LYG2: variants seen among roughly 807,000 people sequenced by gnomAD.
LYG2 encodes the protein lysozyme g2, also known as lysozyme g-like protein 2.
In LYG2, 25 loss-of-function variants were observed where a neutral mutation model predicts 22.4. That is an observed-to-expected ratio of 1.12 (90% CI 0.81 to 1.56). The LOEUF is 1.56. Ranked by LOEUF, LYG2 falls within the 40% of genes most tolerant of loss-of-function variation. The pLI is 0.00. For missense variants in LYG2, 266 were observed against 269.5 expected (o/e 0.99, Z 0.09); for synonymous variants, 88 against 97.0 (o/e 0.91, Z 0.55).
upstream of LYG2, among the ~76,000 whole-genome samples, chr2:99,256,287 C>T (rs1265428754): frequency 6.6e-6 from 1 of 152,210 alleles, no homozygotes; most frequent in Non-Finnish European, 1.5e-5. Flanking sequence ...TCTAGCCTTC[C>T]ATCCCTGGAA....
upstream of LYG2, among the ~76,000 whole-genome samples, chr2:99,257,707 TAAGACTCTTCAGTGCAGC>T (rs2094038810): frequency 6.6e-6 from 1 of 152,168 alleles, no homozygotes; most frequent in African/African-American, 2.4e-5. Context: ...TGCCTGCTCC[TAAGACTCTTCAGTGCAGC>T]AATTCTCTGG....
intron 2 of LYG2, among the ~76,000 whole-genome samples, 195 bp downstream of exon 2, chr2:99,254,825 A>G (rs1032747480): frequency 1.3e-5 from 2 of 152,154 alleles, no homozygotes; most frequent in Non-Finnish European, 2.9e-5. Flanking sequence ...GCGTGCCACC[A>G]TGCCTGGGTG....
chr2:99,253,727 A>T (rs1370990426), intron 3 of LYG2, among the ~76,000 whole-genome samples: 1 of 151,446 alleles, frequency 6.6e-6, no homozygotes, highest in African/African-American at 2.4e-5. Context: ...CCTTTTTCTT[A>T]TTAAATCACC....
At chr2:99,250,669 T>A in intron 3 of LYG2, among the ~76,000 whole-genome samples, 1 of 152,320 alleles carries the variant, frequency 6.6e-6, no homozygotes, top group South Asian at 2.1e-4. Flanking sequence ...CCACCACGCC[T>A]GGCTGCATTT....
chr2:99,249,355 G>A (rs1250032983), intron 3 of LYG2, among the ~76,000 whole-genome samples: 1 of 151,750 alleles, frequency 6.6e-6, no homozygotes, highest in Non-Finnish European at 1.5e-5. Flanking sequence ...GGGAGGTCGA[G>A]GCTGCAGTGA....
Position 99,246,701 on chromosome 2 carries a change from C to T in LYG2, c.163G>A (p.Ala55Thr). The T allele has an allele frequency of 6.2e-7, 1 of 1,614,038 alleles. No homozygotes were observed. Among genetic ancestry groups the T allele is most frequent in the African/African-American group, 1.3e-5 (1 of 75,048 alleles). ...TMKTSGATCD[A>T]NSVMNCGIRG... ...TTACCGCAGTTCATCACACTGTTTGCATCACAAGTGGCCCCAGAGGTCTTC... is the reference window on the plus strand; with the variant it reads ...TTACCGCAGTTCATCACACTGTTTGTATCACAAGTGGCCCCAGAGGTCTTC... The change falls in exon 4 of 7, where the codon GCA becomes ACA. Residue 55 changes from alanine to threonine, a missense_variant. Physicochemically the swap from Ala to Thr is moderately conservative, Grantham distance 58. Coordinates refer to ENST00000333017, the MANE Select transcript of LYG2 (RefSeq NM_175735.4).
At chr2:99,259,865 A>G (rs1574868393), upstream of LYG2, among the ~76,000 whole-genome samples, 1 of 152,248 alleles carries the variant, frequency 6.6e-6, no homozygotes, top group African/African-American at 2.4e-5. Context: ...GCAAGTAACC[A>G]TCACCATAAT....
intron 3 of LYG2, among the ~76,000 whole-genome samples, chr2:99,251,279 T>G (rs2105274260): frequency 6.6e-6 from 1 of 152,262 alleles, no homozygotes; most frequent in South Asian, 2.1e-4. Context: ...AATTGAAAGA[T>G]TAATAAACAC....
chr2:99,254,815 G>A lies in LYG2; in HGVS notation c.-26+205C>T, dbSNP rs369236130. 7.2e-5 allele frequency among the ~76,000 whole-genome samples: 11 copies of A among 152,234 alleles called. No individual in the cohort carries two copies. In the East Asian group the frequency reaches 9.7e-4, roughly 13 times the overall value. The stretch of plus-strand genomic sequence containing the variant: ...CTCCTGAGTAGCTGGGGCGACATAT[G>A]CGTGCCACCATGCCTGGGTGTTTCC... On this transcript the variant is annotated intron_variant, in intron 2 of 6. Transcript: ENST00000333017.
chr2:99,243,558 T>TG (rs2105269581), intron 6 of LYG2: 2 of 1,420,252 alleles, frequency 1.4e-6, no homozygotes, highest in African/African-American at 2.8e-5. Context: ...TTTTGAGAGA[T>TG]GGGGTCTCAC....
At chr2:99,261,411 T>C in the LYG2 span, among the ~76,000 whole-genome samples, 1 of 152,208 alleles carries the variant, frequency 6.6e-6, no homozygotes, top group Non-Finnish European at 1.5e-5. Flanking sequence ...CATACAAGCT[T>C]CAGCCTGCTT....
At position 99,242,335 on chromosome 2, in the gene LYG2, G is replaced by T; in HGVS notation, c.*29C>A. ...TCAAAGGCGGCCATCTGAGCACTCT[G>T]CCAACCTGGCCCACCCACAGAGCTT... On this transcript the variant is annotated 3_prime_UTR_variant, in exon 7 of 7. Coordinates refer to ENST00000333017, the MANE Select transcript of LYG2 (RefSeq NM_175735.4). 1.4e-6 allele frequency: 2 copies of T among 1,459,424 alleles called. No homozygotes were observed. Among genetic ancestry groups the T allele is most frequent in the Non-Finnish European group, 1.9e-6 (2 of 1,047,084 alleles). 90.4% of individuals were successfully genotyped at this position (1,459,424 alleles called of 1,614,324 possible).
At chr2:99,258,368 C>T (rs535456258), upstream of LYG2, among the ~76,000 whole-genome samples, 24 of 152,316 alleles carry the variant, frequency 1.6e-4, no homozygotes, top group South Asian at 5.0e-3. Flanking sequence ...TGGGTTTGCA[C>T]TCAAGTCCTG....
At chr2:99,245,111 C>CAAA (rs5832869) in intron 5 of LYG2, 151 bp downstream of exon 5, 70 of 615,482 alleles carry the variant, frequency 1.1e-4, no homozygotes, top group South Asian at 2.7e-4. Flanking sequence ...AACTCCATCT[C>CAAA]AAAAAAAAAA....
At chr2:99,254,638 C>A (rs1440354073) in intron 2 of LYG2, among the ~76,000 whole-genome samples, 1 of 152,060 alleles carries the variant, frequency 6.6e-6, no homozygotes, top group Non-Finnish European at 1.5e-5. Flanking sequence ...TAGTTATTCA[C>A]CCTACCCCTG....
intron 5 of LYG2, among the ~76,000 whole-genome samples, chr2:99,244,502 A>G (rs931814030): frequency 6.6e-5 from 10 of 152,198 alleles, no homozygotes; most frequent in African/African-American, 2.4e-4. Context: ...ACAATTTAAA[A>G]TCGAGCCTGG....
intron 3 of LYG2, among the ~76,000 whole-genome samples, chr2:99,251,760 G>A (rs2094026985): frequency 6.6e-6 from 1 of 151,966 alleles, no homozygotes; most frequent in South Asian, 2.1e-4. Context: ...TGCCTGCCTG[G>A]GGCAGGAAAT....
Position 99,242,470 on chromosome 2 carries a change from G to C in LYG2, c.533C>G (p.Ala178Gly). 1 of 1,607,434 alleles carries C rather than the reference G, an allele frequency of 6.2e-7. No individual in the cohort carries two copies. Among genetic ancestry groups the C allele is most frequent in the Non-Finnish European group, 8.5e-7 (1 of 1,174,982 alleles). The change falls in exon 7 of 7, where the codon GCT becomes GGT. Residue 178 changes from alanine to glycine, a missense_variant. Ala to Gly is a moderately conservative substitution (Grantham distance 60). Transcript: ENST00000333017. ...AATCGCTTCAATTCCTGACTTAAAA[G>C]CTGAGAGACCACCTGAAATGAAACA... ...VAQHLKGGLS[A>G]FKSGIEAIAT...
chr2:99,248,025 C>CA (rs937024957), intron 3 of LYG2, among the ~76,000 whole-genome samples: 1 of 152,188 alleles, frequency 6.6e-6, no homozygotes, highest in African/African-American at 2.4e-5. Context: ...ATCAAAACCA[C>CA]AATGAGATAC....
Sources: allele counts gnomAD v4.1 joint callset (sites outside exome capture counted in the v4.1 genomes callset), GRCh38; gene constraint gnomAD v4.1.1; transcripts MANE v1.5; gene names NCBI Gene and HGNC (gene_info 2026-07-23, HGNC 2026-07-21).